Variants in RFX7 observed in about 807,000 individuals in gnomAD.
RFX7 encodes the protein DNA-binding protein RFX7.
RFX7 carries 26 observed loss-of-function variants against 111.8 expected under a neutral mutation model. That is an observed-to-expected ratio of 0.23 (90% confidence interval 0.17 to 0.32). RFX7 has a LOEUF of 0.32. RFX7 is among the 10% of genes least tolerant of loss of function. RFX7 has a pLI of 1.00. For missense variants in RFX7, 1,573 were observed against 1,772.9 expected (o/e 0.89, Z 2.02); for synonymous variants, 624 against 624.4 (o/e 1.00, Z 0.01).
intron 2 of RFX7, among the ~76,000 whole-genome samples, chr15:56,195,996 A>G (rs942410979): frequency 6.6e-6 from 1 of 152,186 alleles, no homozygotes; most frequent in African/African-American, 2.4e-5. Context: ...CATAAAATCT[A>G]ATTTCAGCCA....
chr15:56,195,913 T>G (rs1365034131), intron 2 of RFX7, among the ~76,000 whole-genome samples: 8 of 152,194 alleles, frequency 5.3e-5, no homozygotes, highest in African/African-American at 7.2e-5. Context: ...CACGTTTTTA[T>G]GTATGGAAAG....
At position 56,094,460 on chromosome 15, in the gene RFX7, C is replaced by G; in HGVS notation, c.3268G>C (p.Val1090Leu). ...HGILPSYQELVEDRFRKPHAF... is the reference protein window; with the variant it reads ...HGILPSYQELLEDRFRKPHAF... ...TGAGGTTTCCTGAAACGGTCTTCCA[C>G]TAGTTCCTGATAGCTTGGGAGAATA... Residue 1090 changes from valine (V) to leucine (L), a missense_variant, in exon 10 of 10, where the codon GTG (valine) becomes CTG (leucine). Coordinates refer to ENST00000559447, the MANE Select transcript of RFX7 (RefSeq NM_022841.7). 6.2e-7 allele frequency: 1 copy of G among 1,613,972 alleles called. No homozygotes were observed. The highest frequency in any genetic ancestry group is 1.1e-5 in the South Asian group (1 of 91,080).
At chr15:56,200,183 A>G (rs2043180749) in intron 2 of RFX7, among the ~76,000 whole-genome samples, 1 of 152,164 alleles carries the variant, frequency 6.6e-6, no homozygotes, top group Admixed American at 6.5e-5. Context: ...AATACAGGCA[A>G]ATTTACCTAG....
intron 3 of RFX7, among the ~76,000 whole-genome samples, chr15:56,156,570 T>C (rs1405651053): frequency 1.3e-5 from 2 of 151,936 alleles, no homozygotes; most frequent in African/African-American, 4.8e-5. Context: ...TGTGTGAGAG[T>C]TTTTTCCTAA....
chr15:56,121,565 C>T (rs58265497), intron 5 of RFX7, among the ~76,000 whole-genome samples: 29,774 of 152,014 alleles, frequency 0.2, 3,339 homozygotes, highest in East Asian at 0.44. Flanking sequence ...ATTGATATCT[C>T]TCTCTAGGTT....
In RFX7 at chr15:56,104,261, G is replaced by C. The variant is rs146490224; in HGVS notation, c.402-591C>G. ...TGCTAGGAAAAAAGTTACTTTGTAAGACAGTAACTTCAAGTGGGATCTGGA... is the reference window on the plus strand; with the variant it reads ...TGCTAGGAAAAAAGTTACTTTGTAACACAGTAACTTCAAGTGGGATCTGGA... On this transcript the variant is annotated intron_variant, in intron 5 of 9. Coordinates refer to ENST00000559447, the MANE Select transcript of RFX7 (RefSeq NM_022841.7). 1.7e-3 allele frequency among the ~76,000 whole-genome samples: 252 copies of C among 152,280 alleles called. 2 individuals are homozygous for C. Among genetic ancestry groups the C allele is most frequent in the African/African-American group, 5.8e-3 (242 of 41,564 alleles).
chr15:56,232,900 G>A (rs1222313732), intron 2 of RFX7, among the ~76,000 whole-genome samples: 1 of 152,144 alleles, frequency 6.6e-6, no homozygotes, highest in African/African-American at 2.4e-5. Flanking sequence ...CAGCATTTTG[G>A]TCAAGGCCAT....
intron 5 of RFX7, among the ~76,000 whole-genome samples, chr15:56,115,013 TTTTTA>T (rs1196651634): frequency 2.6e-5 from 4 of 152,142 alleles, no homozygotes; most frequent in Middle Eastern, 3.4e-3. Context: ...TCTTTTTTTA[TTTTTA>T]TTTTATTTTT....
chr15:56,217,015 A>G (rs545517524), intron 2 of RFX7, among the ~76,000 whole-genome samples: 1 of 152,288 alleles, frequency 6.6e-6, no homozygotes, highest in African/African-American at 2.4e-5. Context: ...TTTTCCAACA[A>G]TTTATTAACA....
At position 56,185,084 on chromosome 15, in the gene RFX7, T is replaced by G. The variant is rs1334243391; in HGVS notation, c.162-5781A>C. Among the ~76,000 whole-genome samples the G allele has an allele frequency of 3.3e-5, 5 of 152,222 alleles. 1 individual carries two copies. The highest frequency in any genetic ancestry group is 3.8e-4 in the East Asian group (2 of 5,200). Reference sequence around the variant, plus strand: ...TTTCCTCTTAGTTCTTTGTTTTTAATAAGCACACAAAAGAAAGACTTTATC... The same window carrying G: ...TTTCCTCTTAGTTCTTTGTTTTTAAGAAGCACACAAAAGAAAGACTTTATC... On this transcript the variant is annotated intron_variant, in intron 2 of 9. Transcript: ENST00000559447.
chr15:56,185,716 C>A (rs923809240), intron 2 of RFX7, among the ~76,000 whole-genome samples: 1 of 152,074 alleles, frequency 6.6e-6, no homozygotes, highest in Non-Finnish European at 1.5e-5. Context: ...GTTAAACCAT[C>A]TTTCTTTTTG....
chr15:56,092,441 G>C lies in RFX7; in HGVS notation c.*904C>G, dbSNP rs9972586. On this transcript the variant is annotated 3_prime_UTR_variant, in exon 10 of 10. Coordinates refer to ENST00000559447, the MANE Select transcript of RFX7 (RefSeq NM_022841.7). Reference sequence around the variant, plus strand: ...ATGAAAAATTTCAAAGTAAATCTCAGTTAGAATCTCAATATGTACATGCAG... The same window carrying C: ...ATGAAAAATTTCAAAGTAAATCTCACTTAGAATCTCAATATGTACATGCAG... The C allele has an allele frequency of 3.0e-4, 45 of 152,146 alleles. No homozygotes were observed. The highest frequency in any genetic ancestry group is 7.4e-5 in the Non-Finnish European group (5 of 67,990). The allele number at this position is 152,146 out of a possible 1,614,324, so 9.4% of individuals were successfully genotyped here.
At chr15:56,186,164 C>G (rs1297549160) in intron 2 of RFX7, among the ~76,000 whole-genome samples, 1 of 152,166 alleles carries the variant, frequency 6.6e-6, no homozygotes, top group Non-Finnish European at 1.5e-5. Context: ...GCAAGCTTAC[C>G]TGAAACTTCC....
Position 56,093,513 on chromosome 15 carries a change from C to G in RFX7, c.4215G>C (p.Leu1405=). The change falls in exon 10 of 10, where the codon CTG becomes CTC. Residue 1405 remains leucine (L), a synonymous_variant. Coordinates refer to ENST00000559447, the MANE Select transcript of RFX7 (RefSeq NM_022841.7). ...NDLNTLDPNL[L]FDPGRQQGQD... ...GTCCCTGCTGACGACCTGGATCAAA[C>G]AGTAGATTTGGGTCTAAAGTGTTCA... 8 of 1,613,874 alleles carry G rather than the reference C, an allele frequency of 5.0e-6. No homozygotes were observed. Among genetic ancestry groups the G allele is most frequent in the Non-Finnish European group, 5.9e-6 (7 of 1,179,824 alleles).
At chr15:56,191,692 A>G (rs1371701944) in intron 2 of RFX7, among the ~76,000 whole-genome samples, 5 of 151,226 alleles carry the variant, frequency 3.3e-5, no homozygotes, top group African/African-American at 7.3e-5. Context: ...TTCTTGTGGG[A>G]AAAAAAAACC....
intron 2 of RFX7, among the ~76,000 whole-genome samples, chr15:56,183,349 T>C (rs1259731498): frequency 1.3e-5 from 2 of 152,114 alleles, no homozygotes; most frequent in African/African-American, 4.8e-5. Flanking sequence ...ATTTAAGAAA[T>C]CCTATCTAGC....
chr15:56,147,498 T>C (rs115831155), intron 3 of RFX7, among the ~76,000 whole-genome samples: 4,257 of 152,310 alleles, frequency 0.028, 196 homozygotes, highest in African/African-American at 0.096. Context: ...CAGATGGTAC[T>C]TGTACAACAC....
At chr15:56,242,366 A>C (rs1218732443) in intron 2 of RFX7, among the ~76,000 whole-genome samples, 4 of 152,208 alleles carry the variant, frequency 2.6e-5, no homozygotes, top group African/African-American at 9.6e-5. Context: ...TTCCCACTAG[A>C]CTTTAGGAGT....
Position 56,243,471 on chromosome 15 carries a change from C to T in RFX7, c.-29G>A. ...CCAGGGCTCGAGTGAGTCGCTTTCGCCTGCCGCCTGGGGAACATCACCGGG... is the reference window on the plus strand; with the variant it reads ...CCAGGGCTCGAGTGAGTCGCTTTCGTCTGCCGCCTGGGGAACATCACCGGG... On this transcript the variant is annotated 5_prime_UTR_variant, in exon 1 of 10. Transcript: ENST00000559447. 1.0e-6 allele frequency: 1 copy of T among 984,926 alleles called. No individual in the cohort carries two copies. The highest frequency in any genetic ancestry group is 1.2e-6 in the Non-Finnish European group (1 of 829,774). 61.0% of individuals were successfully genotyped at this position (984,926 alleles called of 1,614,324 possible). A position where few individuals can be genotyped will look rare whatever the true frequency, so the allele number is the denominator to read the frequency against.
Sources: allele counts gnomAD v4.1 joint callset (sites outside exome capture counted in the v4.1 genomes callset), GRCh38; gene constraint gnomAD v4.1.1; transcripts MANE v1.5; gene names NCBI Gene and HGNC (gene_info 2026-07-23, HGNC 2026-07-21).